Variants in SLCO3A1 observed in about 807,000 individuals in gnomAD.
SLCO3A1 encodes the protein solute carrier organic anion transporter family member 3A1.
In SLCO3A1, 27 loss-of-function variants were observed where a neutral mutation model predicts 63.1. The observed-to-expected ratio is 0.43, with a 90% confidence interval of 0.32 to 0.59. SLCO3A1 has a LOEUF of 0.59. Among genes scored for constraint, SLCO3A1 ranks in the 20% least tolerant of loss-of-function variants. The pLI is 0.09. For synonymous variants in SLCO3A1, 473 were observed against 409.9 expected, an observed-to-expected ratio of 1.15 and a Z score of -1.86; for missense variants, 773 against 945.8, an observed-to-expected ratio of 0.82 and a Z score of 2.40.
intron 2 of SLCO3A1, among the ~76,000 whole-genome samples, chr15:91,966,425 G>A (rs1271320431): frequency 1.3e-5 from 2 of 152,184 alleles, no homozygotes; most frequent in African/African-American, 2.4e-5. Context: ...TGTATCATCA[G>A]TACCAGCATC....
intron 2 of SLCO3A1, among the ~76,000 whole-genome samples, chr15:91,986,291 A>G (rs1734985197): frequency 6.6e-6 from 1 of 152,140 alleles, no homozygotes; most frequent in African/African-American, 2.4e-5. Context: ...GAAGAGGACA[A>G]AAGGTGGGTG....
chr15:91,953,568 C>T (rs974729825), intron 2 of SLCO3A1, among the ~76,000 whole-genome samples: 3 of 152,194 alleles, frequency 2.0e-5, no homozygotes, highest in Non-Finnish European at 4.4e-5. Flanking sequence ...TTGGGGCCTG[C>T]ACTCACAGAA....
At chr15:92,091,291 G>A (rs1357046790) in intron 2 of SLCO3A1, among the ~76,000 whole-genome samples, 1 of 152,078 alleles carries the variant, frequency 6.6e-6, no homozygotes, top group Non-Finnish European at 1.5e-5. Flanking sequence ...CCTCCCCACC[G>A]ACATACATGA....
chr15:92,130,619 T>TGCA (rs1194408482), intron 7 of SLCO3A1, among the ~76,000 whole-genome samples: 8 of 152,046 alleles, frequency 5.3e-5, no homozygotes, highest in African/African-American at 1.7e-4. Context: ...CCATAAAACT[T>TGCA]GCAGCAGCAG....
rs1448686108 is a variant in SLCO3A1, at chr15:91,916,606, G to T, written c.646+148G>T. 1.5e-6 allele frequency: 1 copy of T among 648,116 alleles called. No individual in the cohort carries two copies. The highest frequency in any genetic ancestry group is 2.1e-5 in the South Asian group (1 of 46,908). The allele number at this position is 648,116 out of a possible 1,614,324, so 40.1% of individuals were successfully genotyped here. ...TTCTTGAAAAATACTCATGCCTGGGGGTGCAACCTGGGCATTGAGACGTTT... is the reference window on the plus strand; with the variant it reads ...TTCTTGAAAAATACTCATGCCTGGGTGTGCAACCTGGGCATTGAGACGTTT... On this transcript the variant is annotated intron_variant, in intron 2 of 9. Coordinates refer to ENST00000318445, the MANE Select transcript of SLCO3A1 (RefSeq NM_013272.4). The surrounding 1 kb of genome is among the most constrained non-coding windows in gnomAD (Gnocchi z 6.2).
chr15:91,958,599 T>C (rs1416500933), intron 2 of SLCO3A1, among the ~76,000 whole-genome samples: 2 of 152,220 alleles, frequency 1.3e-5, no homozygotes, highest in Admixed American at 6.5e-5. Flanking sequence ...TTAGCCCTTA[T>C]ACTACATTAA....
chr15:91,963,404 A>AGGGCGGGGGGGGGCGGGGG (rs1176735786), intron 2 of SLCO3A1, among the ~76,000 whole-genome samples: 1 of 3,154 alleles, frequency 3.2e-4, no homozygotes, highest in African/African-American at 1.3e-3. Context: ...TAACTCGGGG[A>AGGGCGGGGGGGGGCGGGGG]GGGTGGGGGG....
chr15:92,170,981 G>A (rs1476910977), intron 10 of SLCO3A1: 1 of 152,212 alleles, frequency 6.6e-6, no homozygotes. Flanking sequence ...GTGAAGGAAG[G>A]ATGCTCGAAC....
At chr15:92,069,103 C>T (rs1315522832) in intron 2 of SLCO3A1, among the ~76,000 whole-genome samples, 4 of 141,534 alleles carry the variant, frequency 2.8e-5, no homozygotes, top group African/African-American at 1.1e-4. Flanking sequence ...CCCGCCCCCC[C>T]CCCGCCACCC....
Position 92,059,348 on chromosome 15 carries a change from G to A in SLCO3A1, c.647-35533G>A, listed in dbSNP as rs75306221. Among the ~76,000 whole-genome samples, 1,147 of 152,260 alleles carry A rather than the reference G, an allele frequency of 7.5e-3. 17 individuals are homozygous for A. The highest frequency in any genetic ancestry group is 0.027 in the African/African-American group (1,103 of 41,550). The stretch of plus-strand genomic sequence containing the variant: ...CTCTCTGCCCTCAGGCAGGGGGCTG[G>A]GTTCCATAACTTCCCAAAGCCCTTT... On this transcript the variant is annotated intron_variant, in intron 2 of 9. Transcript: ENST00000318445.
intron 4 of SLCO3A1, among the ~76,000 whole-genome samples, chr15:92,118,582 C>T (rs979177544): frequency 4.6e-5 from 7 of 152,096 alleles, no homozygotes; most frequent in Non-Finnish European, 7.3e-5. Flanking sequence ...TGAGTTGGGC[C>T]GCTTAGAGGT....
In SLCO3A1 at chr15:92,146,973, T is replaced by C. The variant is rs761672177; in HGVS notation, c.1513-11T>C. On this transcript the variant is annotated splice_polypyrimidine_tract_variant and intron_variant, in intron 7 of 9. Transcript: ENST00000318445. ...ACCCCCAGATAAAAGGGCTGAACGCTTCCCTTTCAGAATCTCACGGGCTGT... is the reference window on the plus strand; with the variant it reads ...ACCCCCAGATAAAAGGGCTGAACGCCTCCCTTTCAGAATCTCACGGGCTGT... 9 of 1,601,982 alleles carry C rather than the reference T, an allele frequency of 5.6e-6. No individual in the cohort carries two copies. The South Asian group carries it at 1.0e-4, about 18-fold the overall frequency.
At chr15:91,881,404 T>C (rs1375244055) in intron 1 of SLCO3A1, among the ~76,000 whole-genome samples, 1 of 152,118 alleles carries the variant, frequency 6.6e-6, no homozygotes, top group African/African-American at 2.4e-5. Context: ...TTGAGGTTGA[T>C]CAGGAAGTGG....
At chr15:92,015,807 C>G (rs2046419622) in intron 2 of SLCO3A1, among the ~76,000 whole-genome samples, 1 of 152,108 alleles carries the variant, frequency 6.6e-6, no homozygotes, top group South Asian at 2.1e-4. Flanking sequence ...CCCATTTGCT[C>G]AATCAGGAAG....
chr15:91,861,396 C>T (rs908952370), intron 1 of SLCO3A1, among the ~76,000 whole-genome samples: 3 of 152,122 alleles, frequency 2.0e-5, no homozygotes, highest in Middle Eastern at 3.2e-3. Flanking sequence ...GGTTTTGAGT[C>T]GAGTGCCTCT....
intron 1 of SLCO3A1, among the ~76,000 whole-genome samples, chr15:91,868,001 A>G (rs1054632514): frequency 2.0e-5 from 3 of 152,052 alleles, no homozygotes; most frequent in East Asian, 1.9e-4. Context: ...GTCTTTATCT[A>G]TTCATCGCCT....
intron 1 of SLCO3A1, among the ~76,000 whole-genome samples, chr15:91,910,033 C>G (rs917926603): frequency 6.6e-6 from 1 of 152,174 alleles, no homozygotes; most frequent in African/African-American, 2.4e-5. Flanking sequence ...CCATTGACCT[C>G]TAAATCAAAG....
intron 2 of SLCO3A1, among the ~76,000 whole-genome samples, chr15:91,959,102 AAAT>A (rs1318401909): frequency 6.6e-6 from 1 of 152,246 alleles, no homozygotes; most frequent in Non-Finnish European, 1.5e-5. Flanking sequence ...AAAAGGAACG[AAAT>A]AATGTATTTT....
At chr15:92,089,610 A>G (rs887483300) in intron 2 of SLCO3A1, among the ~76,000 whole-genome samples, 2 of 152,340 alleles carry the variant, frequency 1.3e-5, no homozygotes, top group South Asian at 4.2e-4. Flanking sequence ...AGAGTGGTGG[A>G]AAGTCTTTCT....
Sources: allele counts gnomAD v4.1 joint callset (sites outside exome capture counted in the v4.1 genomes callset), GRCh38; gene constraint gnomAD v4.1.1; non-coding constraint Gnocchi (gnomAD v3.1); transcripts MANE v1.5; gene names NCBI Gene and HGNC (gene_info 2026-07-23, HGNC 2026-07-21).